Variants in ERN2 observed in about 807,000 individuals in gnomAD.
ERN2 encodes serine/threonine-protein kinase/endoribonuclease IRE2.
In ERN2, 111 loss-of-function variants were observed where a neutral mutation model predicts 107.9. The observed-to-expected ratio is 1.03, with a 90% CI of 0.88 to 1.20. The LOEUF is 1.20. Among genes scored for constraint, ERN2 ranks in the 50% most tolerant of loss-of-function variants. The probability of loss-of-function intolerance (pLI) is 0.00; values close to 1 mark genes in which losing one functional copy is unlikely to be tolerated. For synonymous variants in ERN2, 524 were observed against 501.7 expected, an observed-to-expected ratio of 1.04 and a Z score of -0.59; for missense variants, 1,225 against 1,197.9, an observed-to-expected ratio of 1.02 and a Z score of -0.33.
intron 8 of ERN2, among the ~76,000 whole-genome samples, chr16:23,703,094 A>G (rs947177263): frequency 3.8e-4 from 58 of 152,106 alleles, no homozygotes; most frequent in African/African-American, 1.4e-3. Context: ...ACCCCAGCTG[A>G]CCCACAGAAT....
At chr16:23,691,108 C>T (rs374849035) in intron 21 of ERN2, 21 bp downstream of exon 21, 1 of 1,613,736 alleles carries the variant, frequency 6.2e-7, no homozygotes, top group Non-Finnish European at 8.5e-7. Flanking sequence ...GACCCAGGCC[C>T]ACCCAGGCCC....
Position 23,690,784 on chromosome 16 carries a change from C to A in ERN2, c.*47G>T. On this transcript the variant is annotated 3_prime_UTR_variant, in exon 22 of 22. Coordinates refer to ENST00000256797, the MANE Select transcript of ERN2 (RefSeq NM_033266.4). ...TCTGAGGCCAGCCACAGGCTCAGCT[C>A]TTCAGTGAGCCAGCACGGAGACCAT... 1.3e-6 allele frequency: 2 copies of A among 1,525,978 alleles called. No homozygotes were observed. The highest frequency in any genetic ancestry group is 1.8e-6 in the Non-Finnish European group (2 of 1,116,772). 94.5% of individuals were successfully genotyped at this position (1,525,978 alleles called of 1,614,324 possible).
chr16:23,700,268 T>C (rs1291411681), intron 13 of ERN2, among the ~76,000 whole-genome samples: 1 of 152,162 alleles, frequency 6.6e-6, no homozygotes, highest in Non-Finnish European at 1.5e-5. Flanking sequence ...GCCCAGGAGC[T>C]TGAGGCTGCA....
chr16:23,692,162 G>C, intron 18 of ERN2, 22 bp downstream of exon 18: 1 of 1,613,980 alleles, frequency 6.2e-7, no homozygotes, highest in Non-Finnish European at 8.5e-7. Flanking sequence ...TCCCTTCTCT[G>C]CCCTGCCCAG....
chr16:23,709,511 T>C (rs1181153360), intron 4 of ERN2: 1 of 237,200 alleles, frequency 4.2e-6, no homozygotes, highest in Non-Finnish European at 8.4e-6. Flanking sequence ...AGCTTGGCCA[T>C]GTGACCTGCT....
chr16:23,693,331 A>C (rs1959675093), intron 17 of ERN2, among the ~76,000 whole-genome samples: 1 of 152,106 alleles, frequency 6.6e-6, no homozygotes, highest in Non-Finnish European at 1.5e-5. Context: ...TCATGCCTAT[A>C]ATCTCAGCAC....
chr16:23,694,875 C>G lies in ERN2; in HGVS notation c.1953G>C (p.Gln651His), dbSNP rs749279181. ...CTGAGAGCACCACTCTGCCCAGGCCCTGGCTGTCAGGCCCGGTGATGAGAA... is the reference window on the plus strand; with the variant it reads ...CTGAGAGCACCACTCTGCCCAGGCCGTGGCTGTCAGGCCCGGTGATGAGAA... Reference protein sequence around the residue: ...GNILITGPDSQGLGRVVLSDF... With the variant: ...GNILITGPDSHGLGRVVLSDF... Residue 651 changes from glutamine (Q) to histidine (H), a missense_variant, in exon 17 of 22, where the codon CAG becomes CAC. Physicochemically the swap from Gln to His is conservative, Grantham distance 24. Coordinates refer to ENST00000256797, the MANE Select transcript of ERN2 (RefSeq NM_033266.4). 1 of 1,614,230 alleles carries G rather than the reference C, an allele frequency of 6.2e-7. No homozygotes were observed. Among genetic ancestry groups the G allele is most frequent in the East Asian group, 2.2e-5 (1 of 44,882 alleles).
At chr16:23,703,422 T>C (rs2141016615) in intron 8 of ERN2, among the ~76,000 whole-genome samples, 1 of 152,294 alleles carries the variant, frequency 6.6e-6, no homozygotes, top group Middle Eastern at 3.4e-3. Flanking sequence ...TTTTACTAGT[T>C]CTTCCTTCTA....
rs1209039422 is a variant in ERN2, at chr16:23,704,810, C to T, written c.854+73G>A. The stretch of plus-strand genomic sequence containing the variant: ...ACTGGTGTGTCACAGCTGAACATCT[C>T]GCCTGGCCATCAGACCCAGGTTGCG... On this transcript the variant is annotated intron_variant, in intron 8 of 21. Transcript: ENST00000256797. 56 of 1,503,150 alleles carry T rather than the reference C, an allele frequency of 3.7e-5. 1 individual carries two copies. The South Asian group carries it at 4.9e-4, about 13-fold the overall frequency. The allele number at this position is 1,503,150 out of a possible 1,614,324, so 93.1% of individuals were successfully genotyped here.
At chr16:23,691,839 A>G in intron 19 of ERN2, 124 bp downstream of exon 19, 1 of 1,341,434 alleles carries the variant, frequency 7.5e-7, no homozygotes, top group African/African-American at 1.5e-5. Context: ...TTAGGGAAAG[A>G]GCCAGGCTCC....
intron 7 of ERN2, 66 bp downstream of exon 7, chr16:23,706,264 G>T: frequency 9.0e-7 from 1 of 1,107,628 alleles, no homozygotes; most frequent in Non-Finnish European, 1.3e-6. Context: ...GGTCATGGAT[G>T]CTGTTCAGGG....
rs777205265 is a variant in ERN2, at chr16:23,710,973, C to T, written c.139G>A (p.Asp47Asn). The T allele has an allele frequency of 1.2e-6, 2 of 1,614,154 alleles. No homozygotes were observed. The highest frequency in any genetic ancestry group is 2.2e-5 in the South Asian group (2 of 91,086). The change falls in exon 2 of 22, where the codon GAT (aspartate) becomes AAT (asparagine). Residue 47 changes from aspartate (D) to asparagine (N), a missense_variant. Transcript: ENST00000256797. Reference protein sequence around the residue: ...PENLLLVSTLDGSLHALSKQT... With the variant: ...PENLLLVSTLNGSLHALSKQT... ...TTGCTTAGTGCGTGGAGACTTCCAT[C>T]CAAGGTGGACACCAGCAGGAGGTTC... is the stretch of plus-strand genomic sequence containing the variant.
In ERN2 at chr16:23,694,816, C is replaced by T. The variant is rs1959732900; in HGVS notation, c.2012G>A (p.Arg671His). 2 of 1,613,872 alleles carry T rather than the reference C, an allele frequency of 1.2e-6. No homozygotes were observed. The highest frequency in any genetic ancestry group is 1.7e-6 in the Non-Finnish European group (2 of 1,179,942). The change falls in exon 17 of 22, where the codon CGC (arginine) becomes CAC (histidine). Residue 671 changes from arginine to histidine, a missense_variant. Coordinates refer to ENST00000256797, the MANE Select transcript of ERN2 (RefSeq NM_033266.4). ...GCCGGAGTGGAGGCTGAAGCTACAG[C>T]GGCCAGCAGGCAGCTTCTTGCAGAG... ...FGLCKKLPAG[R>H]CSFSLHSGIP...
At chr16:23,710,018 G>C (rs142601321) in intron 4 of ERN2, 154 bp downstream of exon 4, 152 of 616,770 alleles carry the variant, frequency 2.5e-4, no homozygotes, top group Non-Finnish European at 3.7e-4. Flanking sequence ...CCTTTCAACA[G>C]GTCCCTCAGA....
At chr16:23,697,696 C>G (rs1397770819) in intron 13 of ERN2, among the ~76,000 whole-genome samples, 2 of 152,164 alleles carry the variant, frequency 1.3e-5, no homozygotes, top group Non-Finnish European at 2.9e-5. Flanking sequence ...TATTTGTTAT[C>G]ACTTTGCTTA....
chr16:23,700,522 T>C lies in ERN2; in HGVS notation c.1525+17A>G. 1 of 1,601,042 alleles carries C rather than the reference T, an allele frequency of 6.2e-7. No individual in the cohort carries two copies. Among genetic ancestry groups the C allele is most frequent in the Non-Finnish European group, 8.5e-7 (1 of 1,174,046 alleles). ...TTCTCTGTTCCTGACTGCCCTGTCT[T>C]GTTCACACAGGCTCACCTTCAGGGT... On this transcript the variant is annotated intron_variant, in intron 13 of 21. Coordinates refer to ENST00000256797, the MANE Select transcript of ERN2 (RefSeq NM_033266.4).
chr16:23,696,772 A>G (rs1018229028), intron 13 of ERN2: 10 of 152,202 alleles, frequency 6.6e-5, no homozygotes, highest in African/African-American at 2.4e-4. Context: ...GGCACTATTC[A>G]TATGGCAAAA....
At chr16:23,691,536 T>G in intron 19 of ERN2, 111 bp from the exon 20 acceptor site, 1 of 1,316,622 alleles carries the variant, frequency 7.6e-7, no homozygotes, top group Non-Finnish European at 1.0e-6. Context: ...TCATTGCCTC[T>G]GGGGGCGTGA....
At chr16:23,707,402 G>T in intron 4 of ERN2, 1 of 351,742 alleles carries the variant, frequency 2.8e-6, no homozygotes, top group Non-Finnish European at 5.4e-6. Flanking sequence ...CTCTCGGCCT[G>T]ACCTGACCAC....
Sources: allele counts gnomAD v4.1 joint callset (sites outside exome capture counted in the v4.1 genomes callset), GRCh38; gene constraint gnomAD v4.1.1; transcripts MANE v1.5; gene names NCBI Gene and HGNC (gene_info 2026-07-23, HGNC 2026-07-21).